The following ADGRL3 variants were observed in gnomAD, a reference collection of about 807,000 sequenced individuals.
The protein encoded by ADGRL3 is calcium-independent alpha-latrotoxin receptor 3.
ADGRL3 carries 62 observed loss-of-function variants against 153.5 expected under a neutral mutation model. The ratio of observed to expected loss-of-function variants is 0.40; its 90% CI spans 0.33 to 0.50. The LOEUF is 0.50. Ranked by LOEUF, ADGRL3 falls within the 20% of genes least tolerant of loss-of-function variation. The pLI, the probability that ADGRL3 is intolerant of heterozygous loss-of-function variation, is 0.47. For missense variants in ADGRL3, 1,641 were observed against 1,859.4 expected (o/e 0.88, Z 2.16); for synonymous variants, 710 against 672.5 (o/e 1.06, Z -0.86).
At chr4:61,226,906 A>T (rs1453115109) in intron 1 of ADGRL3, among the ~76,000 whole-genome samples, 2 of 152,182 alleles carry the variant, frequency 1.3e-5, no homozygotes, top group Non-Finnish European at 2.9e-5. Flanking sequence ...ATAAATTTAG[A>T]TATTTGAACT....
At chr4:61,591,689 G>A (rs1328568797) in intron 5 of ADGRL3, among the ~76,000 whole-genome samples, 4 of 151,982 alleles carry the variant, frequency 2.6e-5, no homozygotes, top group Non-Finnish European at 5.9e-5. Flanking sequence ...CAAAGTAGGA[G>A]TATTTTTTTT....
At chr4:61,664,128 C>T (rs781410124) in intron 5 of ADGRL3, among the ~76,000 whole-genome samples, 5 of 152,082 alleles carry the variant, frequency 3.3e-5, no homozygotes, top group Non-Finnish European at 5.9e-5. Context: ...AAAAGAGGCT[C>T]AGTACTGAAA....
At chr4:61,208,235 G>A (rs1738255718) in intron 1 of ADGRL3, among the ~76,000 whole-genome samples, 1 of 151,990 alleles carries the variant, frequency 6.6e-6, no homozygotes, top group African/African-American at 2.4e-5. Context: ...AAGGGACTCT[G>A]GAGTGTGTTT....
At chr4:61,408,951 G>A (rs991670825) in intron 2 of ADGRL3, among the ~76,000 whole-genome samples, 9 of 151,404 alleles carry the variant, frequency 5.9e-5, no homozygotes, top group African/African-American at 1.9e-4. Context: ...AAATATATTG[G>A]CTTTAAAGTT....
intron 1 of ADGRL3, among the ~76,000 whole-genome samples, chr4:61,317,967 G>A (rs2150686385): frequency 6.6e-6 from 1 of 152,122 alleles, no homozygotes; most frequent in Non-Finnish European, 1.5e-5. Context: ...CTTGAGGTCA[G>A]GAGTTCAAAA....
At chr4:61,399,932 A>G (rs1184337874) in intron 2 of ADGRL3, among the ~76,000 whole-genome samples, 3 of 151,758 alleles carry the variant, frequency 2.0e-5, no homozygotes, top group African/African-American at 4.8e-5. Flanking sequence ...GACTAATGCA[A>G]TTAATTTGTA....
chr4:61,790,342 T>C (rs900043543), intron 8 of ADGRL3, among the ~76,000 whole-genome samples: 9 of 152,214 alleles, frequency 5.9e-5, no homozygotes, highest in African/African-American at 2.2e-4. Context: ...CATTCATTTA[T>C]GTATAGTAGG....
intron 13 of ADGRL3, among the ~76,000 whole-genome samples, chr4:61,928,124 A>T (rs185755555): frequency 6.6e-6 from 1 of 151,764 alleles, no homozygotes; most frequent in African/African-American, 2.4e-5. Flanking sequence ...AGGAAAACAT[A>T]TTTAAAAAGT....
chr4:61,325,056 A>G (rs1413600775), intron 1 of ADGRL3, among the ~76,000 whole-genome samples: 1 of 152,128 alleles, frequency 6.6e-6, no homozygotes, highest in Non-Finnish European at 1.5e-5. Context: ...GCTCATGCCT[A>G]TAATCCTAGC....
chr4:61,462,965 A>G (rs1446246751), intron 2 of ADGRL3, among the ~76,000 whole-genome samples: 1 of 152,170 alleles, frequency 6.6e-6, no homozygotes, highest in African/African-American at 2.4e-5. Context: ...TCCACCTCCA[A>G]GGTCTCTGCT....
In ADGRL3 at chr4:61,249,990, T is replaced by A. The variant is rs375210811; in HGVS notation, c.-240+48225T>A. On this transcript the variant is annotated intron_variant, in intron 1 of 26. Coordinates refer to ENST00000683033, the MANE Select transcript of ADGRL3 (RefSeq NM_001387552.1). ...TTATGGACTCTTATGATGATCCACATTAACTTGTGAATTATTTCACTTTCG... is the reference window on the plus strand; with the variant it reads ...TTATGGACTCTTATGATGATCCACAATAACTTGTGAATTATTTCACTTTCG... Among the ~76,000 whole-genome samples, 15 of 152,290 alleles carry A rather than the reference T, an allele frequency of 9.8e-5. No homozygotes were observed. The East Asian group carries it at 1.9e-3, about 20-fold the overall frequency.
intron 5 of ADGRL3, among the ~76,000 whole-genome samples, chr4:61,624,523 C>T (rs746444525): frequency 1.3e-5 from 2 of 151,980 alleles, no homozygotes; most frequent in Non-Finnish European, 2.9e-5. Flanking sequence ...CCCTTCCCAA[C>T]CAGGGTTCCT....
intron 9 of ADGRL3, among the ~76,000 whole-genome samples, chr4:61,822,738 T>C (rs546901267): frequency 6.6e-6 from 1 of 152,260 alleles, no homozygotes; most frequent in East Asian, 1.9e-4. Flanking sequence ...GTTTTTCATA[T>C]TGGTTGTTAG....
rs116158309 is a variant in ADGRL3 at position 61,916,989 on chromosome 4, A to G, written c.2112+4232A>G. Among the ~76,000 whole-genome samples the G allele has an allele frequency of 6.6e-3, 1,010 of 152,264 alleles. 17 individuals are homozygous for G. The highest frequency in any genetic ancestry group is 0.023 in the African/African-American group (945 of 41,576). ...AAAAATAAAAATAAATTTATTTATT[A>G]GGCATTAATTATGTGCCATTATTGT... On this transcript the variant is annotated intron_variant, in intron 13 of 26. Transcript: ENST00000683033.
At position 61,432,635 on chromosome 4, in the gene ADGRL3, TTTCTTTCTTTCTTTCTTTC is replaced by T. The variant is rs1328540373; in HGVS notation, c.-174+49449_-174+49467del. 2.9e-3 allele frequency among the ~76,000 whole-genome samples: 238 copies of T among 82,642 alleles called. 30 individuals are homozygous for T. The highest frequency in any genetic ancestry group is 5.0e-3 in the African/African-American group (108 of 21,712). 54.2% of individuals were successfully genotyped at this position (82,642 alleles called of 152,430 possible). A position where few individuals can be genotyped will look rare whatever the true frequency, so the allele number is the denominator to read the frequency against. The stretch of plus-strand genomic sequence containing the variant: ...CTTTCTTTCTTTCTTTCTTTCTTTC[TTTCTTTCTTTCTTTCTTTC>T]TTTTTTTTTTTTTTTTGAGACAGAA... On this transcript the variant is annotated intron_variant, in intron 2 of 26. Transcript: ENST00000683033.
intron 1 of ADGRL3, among the ~76,000 whole-genome samples, chr4:61,337,398 G>T (rs748080587): frequency 1.2e-4 from 19 of 152,202 alleles, no homozygotes; most frequent in African/African-American, 4.3e-4. Context: ...CCATTACTTT[G>T]CAGTTAGAAT....
chr4:61,852,111 T>G (rs1294445671), intron 9 of ADGRL3, among the ~76,000 whole-genome samples: 1 of 152,130 alleles, frequency 6.6e-6, no homozygotes, highest in Admixed American at 6.5e-5. Context: ...CATATTACTG[T>G]GTTCCCTTTT....
chr4:61,447,462 A>G (rs547847083), intron 2 of ADGRL3, among the ~76,000 whole-genome samples: 1 of 152,200 alleles, frequency 6.6e-6, no homozygotes, highest in East Asian at 1.9e-4. Flanking sequence ...TGAGTTTGTG[A>G]TTGATATGAT....
intron 25 of ADGRL3, among the ~76,000 whole-genome samples, chr4:62,050,969 T>C (rs1200116598): frequency 1.3e-5 from 2 of 151,670 alleles, no homozygotes; most frequent in Admixed American, 1.3e-4. Context: ...TTCAATGACA[T>C]AGGTAAATTT....
Sources: allele counts gnomAD v4.1 joint callset (sites outside exome capture counted in the v4.1 genomes callset), GRCh38; gene constraint gnomAD v4.1.1; transcripts MANE v1.5; gene names NCBI Gene and HGNC (gene_info 2026-07-23, HGNC 2026-07-21).